PBX3: variants seen among roughly 807,000 people sequenced by gnomAD.
PBX3 encodes pre-B-cell leukemia transcription factor 3.
Under a neutral mutation model 48.5 loss-of-function variants are expected in PBX3, and 14 were observed. The ratio of observed to expected loss-of-function variants is 0.29; its 90% CI spans 0.19 to 0.45. PBX3 has a LOEUF of 0.45. Among genes scored for constraint, PBX3 ranks in the 20% least tolerant of loss-of-function variants. The pLI is 1.00. For missense variants in PBX3, 386 were observed against 546.7 expected (o/e 0.71, Z 2.93); for synonymous variants, 210 against 200.3 (o/e 1.05, Z -0.41).
intron 5 of PBX3, among the ~76,000 whole-genome samples, chr9:125,945,642 T>C (rs1842050026): frequency 6.6e-6 from 1 of 152,210 alleles, no homozygotes; most frequent in Admixed American, 6.5e-5. Context: ...CCTAGCACAG[T>C]GTGTCCAGCA....
chr9:125,954,951 A>C (rs1013214699), intron 5 of PBX3, among the ~76,000 whole-genome samples: 1 of 152,232 alleles, frequency 6.6e-6, no homozygotes, highest in Non-Finnish European at 1.5e-5. Flanking sequence ...CATTTATGAC[A>C]TACTGGAATA....
chr9:125,905,942 A>C (rs769090882), intron 2 of PBX3, among the ~76,000 whole-genome samples: 1 of 151,910 alleles, frequency 6.6e-6, no homozygotes, highest in African/African-American at 2.4e-5. Context: ...CATGGTTTTT[A>C]ATGGAAGAGA....
intron 2 of PBX3, among the ~76,000 whole-genome samples, chr9:125,773,800 A>AC (rs148358592): frequency 0.02 from 3,063 of 152,322 alleles, 170 homozygotes; most frequent in East Asian, 0.17. Context: ...TATATTCAAT[A>AC]CAGCAGTGTA....
chr9:125,863,592 A>C (rs1471146568), intron 2 of PBX3, among the ~76,000 whole-genome samples: 1 of 152,208 alleles, frequency 6.6e-6, no homozygotes, highest in Non-Finnish European at 1.5e-5. Flanking sequence ...CTAAGAGTTA[A>C]GAAACATTGT....
At chr9:125,872,111 A>G (rs1840138349) in intron 2 of PBX3, among the ~76,000 whole-genome samples, 1 of 152,218 alleles carries the variant, frequency 6.6e-6, no homozygotes, top group African/African-American at 2.4e-5. Flanking sequence ...GAAAAATGAA[A>G]TGGTAGGGGC....
At chr9:125,797,985 A>G (rs1837834140) in intron 2 of PBX3, among the ~76,000 whole-genome samples, 1 of 152,104 alleles carries the variant, frequency 6.6e-6, no homozygotes. Flanking sequence ...AACCGGTTTC[A>G]TTTTTGTTGG....
chr9:125,758,782 G>A (rs1588120668), intron 2 of PBX3, among the ~76,000 whole-genome samples: 2 of 152,094 alleles, frequency 1.3e-5, no homozygotes, highest in Non-Finnish European at 2.9e-5. Flanking sequence ...AGCAATGTCT[G>A]TGTGCAGCAA....
chr9:125,832,420 C>A (rs1838991313), intron 2 of PBX3, among the ~76,000 whole-genome samples: 1 of 152,156 alleles, frequency 6.6e-6, no homozygotes, highest in Non-Finnish European at 1.5e-5. Context: ...TGGTCTCGAT[C>A]TCCTTACCTC....
chr9:125,935,283 A>G (rs919789544), intron 4 of PBX3, among the ~76,000 whole-genome samples, 189 bp from the exon 5 acceptor site: 1 of 152,234 alleles, frequency 6.6e-6, no homozygotes, highest in Non-Finnish European at 1.5e-5. Flanking sequence ...GTGATCCTAC[A>G]TCTTAAAATG....
At chr9:125,804,494 A>G (rs1459677494) in intron 2 of PBX3, among the ~76,000 whole-genome samples, 2 of 152,174 alleles carry the variant, frequency 1.3e-5, no homozygotes, top group Admixed American at 6.5e-5. Context: ...AAGGGATTAT[A>G]AGGAGACTGT....
intron 2 of PBX3, among the ~76,000 whole-genome samples, chr9:125,761,857 C>A (rs550428488): frequency 6.6e-6 from 1 of 152,016 alleles, no homozygotes; most frequent in Non-Finnish European, 1.5e-5. Flanking sequence ...AGACTGGTAC[C>A]GAGTAGAGGC....
intron 2 of PBX3, among the ~76,000 whole-genome samples, chr9:125,792,397 T>G (rs1837638565): frequency 1.3e-5 from 2 of 151,710 alleles, no homozygotes; most frequent in Admixed American, 1.3e-4. Flanking sequence ...AGAATGGAGA[T>G]GTAGGAGGTA....
At chr9:125,868,743 A>G (rs1840048696) in intron 2 of PBX3, among the ~76,000 whole-genome samples, 1 of 152,232 alleles carries the variant, frequency 6.6e-6, no homozygotes, top group Admixed American at 6.5e-5. Flanking sequence ...CCCTACATTC[A>G]GTTGATTTGG....
Position 125,966,143 on chromosome 9 carries a change from T to C in PBX3, c.*220T>C, listed in dbSNP as rs759314521. 9.5e-5 allele frequency: 39 copies of C among 411,706 alleles called. No homozygotes were observed. Among genetic ancestry groups the C allele is most frequent in the Non-Finnish European group, 1.6e-4 (37 of 229,900 alleles). 25.5% of individuals were successfully genotyped at this position (411,706 alleles called of 1,614,324 possible). On this transcript the variant is annotated 3_prime_UTR_variant, in exon 9 of 9. Transcript: ENST00000373489. ...AAAAAAATAAAGCACTTTATCCAAT[T>C]AGGCCAAGATTTAACATTGTTGACA...
intron 2 of PBX3, among the ~76,000 whole-genome samples, chr9:125,802,718 G>C (rs1437489794): frequency 1.3e-5 from 2 of 151,098 alleles, no homozygotes; most frequent in Non-Finnish European, 2.9e-5. Context: ...TCTCTCCGTT[G>C]CCCAGGCTGG....
intron 2 of PBX3, among the ~76,000 whole-genome samples, chr9:125,857,405 G>T (rs2132278378): frequency 6.6e-6 from 1 of 152,150 alleles, no homozygotes; most frequent in South Asian, 2.1e-4. Flanking sequence ...TTGGATTAGG[G>T]ATTCTCAACT....
chr9:125,767,665 C>G (rs1229288577), intron 2 of PBX3, among the ~76,000 whole-genome samples: 2 of 152,160 alleles, frequency 1.3e-5, no homozygotes, highest in Non-Finnish European at 2.9e-5. Flanking sequence ...ATTCATGGAT[C>G]CCTCATGGAT....
chr9:125,821,659 A>T (rs1296959287), intron 2 of PBX3, among the ~76,000 whole-genome samples: 2 of 152,126 alleles, frequency 1.3e-5, no homozygotes, highest in African/African-American at 4.8e-5. Context: ...TTTGAAGATT[A>T]GTTTCATTTT....
At chr9:125,862,318 T>C (rs1021316247) in intron 2 of PBX3, among the ~76,000 whole-genome samples, 9 of 152,220 alleles carry the variant, frequency 5.9e-5, no homozygotes, top group African/African-American at 2.2e-4. Context: ...TTCTTACATA[T>C]GGTAAGAACA....
Sources: gnomAD v4.1 joint callset for allele counts (sites outside exome capture counted in the v4.1 genomes callset) on GRCh38, gnomAD v4.1.1 for gene constraint, MANE v1.5 for transcripts, NCBI Gene and HGNC (gene_info 2026-07-23, HGNC 2026-07-21) for gene names.